Variants in PRPF6 observed in about 807,000 individuals in gnomAD.
The protein encoded by PRPF6 is pre-mRNA-processing factor 6.
A neutral mutation model predicts 118.3 loss-of-function variants in PRPF6; 42 were observed. That is an observed-to-expected ratio of 0.35 (90% confidence interval 0.28 to 0.46). PRPF6 has a LOEUF of 0.46. Among genes scored for constraint, PRPF6 ranks in the 20% least tolerant of loss-of-function variants. The pLI, the probability that PRPF6 is intolerant of heterozygous loss-of-function variation, is 1.00. For missense variants in PRPF6, 662 were observed against 1,255.7 expected (o/e 0.53, Z 7.15); for synonymous variants, 481 against 485.1 (o/e 0.99, Z 0.11).
chr20:63,999,011 G>C, intron 6 of PRPF6, 34 bp from the exon 7 acceptor site: 1 of 1,560,470 alleles, frequency 6.4e-7, no homozygotes, highest in Non-Finnish European at 8.8e-7. Flanking sequence ...ACCTGGTCAT[G>C]TCCAGCTGAC....
intron 3 of PRPF6, among the ~76,000 whole-genome samples, chr20:63,990,649 CTT>C (rs565993288): frequency 4.3e-5 from 6 of 140,824 alleles, no homozygotes; most frequent in Non-Finnish European, 6.2e-5. Context: ...TTTCTTTTTT[CTT>C]TTTTTTTTTT....
rs760901426 is a variant in PRPF6, at chr20:63,995,084, C to T, written c.607C>T (p.Arg203Ter). The T allele has an allele frequency of 6.2e-6, 10 of 1,613,964 alleles. No homozygotes were observed. Among genetic ancestry groups the T allele is most frequent in the Non-Finnish European group, 8.5e-6 (10 of 1,180,020 alleles). Residue 203 changes from arginine (R) to a stop codon, truncating the protein, a stop_gained, in exon 5 of 21, where the codon CGA (arginine) becomes TGA (stop). Transcript: ENST00000266079. LOFTEE classifies it high-confidence loss of function. ...TGENHTSVDP[R>*]QTQFGGLNTP... is the part of the protein sequence containing the mutation. Reference sequence around the variant, plus strand: ...AGAGAACCATACCTCAGTGGATCCCCGACAAACTGTGAGCTTCCAAAAAAG... The same window carrying T: ...AGAGAACCATACCTCAGTGGATCCCTGACAAACTGTGAGCTTCCAAAAAAG...
At position 64,026,601 on chromosome 20, in the gene PRPF6, G is replaced by A. The variant is rs2123097271; in HGVS notation, c.2029-381G>A. Among the ~76,000 whole-genome samples the A allele has an allele frequency of 6.6e-6, 1 of 152,292 alleles. No homozygotes were observed. The highest frequency in any genetic ancestry group is 1.9e-4 in the East Asian group (1 of 5,184). On this transcript the variant is annotated intron_variant, in intron 15 of 20. Coordinates refer to ENST00000266079, the MANE Select transcript of PRPF6 (RefSeq NM_012469.4). The surrounding 1 kb of genome is among the most constrained non-coding windows in gnomAD (Gnocchi z 4.4). ...TGGGAGGCCAAGGCAGGTAGATTGT[G>A]AGATCAGGAGTTCGACACCAGCCTG...
Position 64,011,162 on chromosome 20 carries a change from A to T in PRPF6, c.1306-123A>T. ...TGTGGACACTTCTCAGGCCATGTTC[A>T]GATGGTTCTCGAGAGCTAAGAAAGA... On this transcript the variant is annotated intron_variant, in intron 10 of 20. Coordinates refer to ENST00000266079, the MANE Select transcript of PRPF6 (RefSeq NM_012469.4). The surrounding 1 kb of genome is among the most constrained non-coding windows in gnomAD (Gnocchi z 6.7). 1.2e-6 allele frequency: 1 copy of T among 820,806 alleles called. No individual in the cohort carries two copies. Among genetic ancestry groups the T allele is most frequent in the Non-Finnish European group, 2.0e-6 (1 of 491,510 alleles). 50.8% of individuals were successfully genotyped at this position (820,806 alleles called of 1,614,324 possible). A position where few individuals can be genotyped will look rare whatever the true frequency, so the allele number is the denominator to read the frequency against.
chr20:63,990,078 T>C (rs1218862521), intron 3 of PRPF6, among the ~76,000 whole-genome samples: 1 of 151,990 alleles, frequency 6.6e-6, no homozygotes, highest in African/African-American at 2.4e-5. Context: ...GGTCTTGAAC[T>C]CCTGACCCCA....
chr20:63,981,218 C>T lies in PRPF6; in HGVS notation c.-28C>T. 1 of 1,589,842 alleles carries T rather than the reference C, an allele frequency of 6.3e-7. No individual in the cohort carries two copies. ...CCTCTTCCGCTGCCTCATTCCTTTCCTTCCTAGCCTTGGTCGTCGCCGCCA... is the reference window on the plus strand; with the variant it reads ...CCTCTTCCGCTGCCTCATTCCTTTCTTTCCTAGCCTTGGTCGTCGCCGCCA... On this transcript the variant is annotated 5_prime_UTR_variant, in exon 1 of 21. Transcript: ENST00000266079.
At chr20:63,986,236 T>C (rs1446218629) in intron 3 of PRPF6, among the ~76,000 whole-genome samples, 1 of 150,784 alleles carries the variant, frequency 6.6e-6, no homozygotes, top group Non-Finnish European at 1.5e-5. Context: ...TCCCAGCTAC[T>C]TGGGAGGCTG....
intron 1 of PRPF6, 65 bp from the exon 2 acceptor site, chr20:63,982,981 CA>C: frequency 1.3e-6 from 2 of 1,572,338 alleles, no homozygotes; most frequent in South Asian, 1.1e-5. Flanking sequence ...AAGTGATAAC[CA>C]GGAGTGGAGA....
At chr20:64,006,074 G>A (rs191168760) in intron 9 of PRPF6, among the ~76,000 whole-genome samples, 2 of 152,268 alleles carry the variant, frequency 1.3e-5, no homozygotes, top group African/African-American at 4.8e-5. Flanking sequence ...TGACTTGTTG[G>A]TAGTTTTGCT....
At chr20:64,017,266 C>T (rs1395991811) in intron 12 of PRPF6, among the ~76,000 whole-genome samples, 3 of 149,174 alleles carry the variant, frequency 2.0e-5, no homozygotes, top group African/African-American at 5.1e-5. Context: ...GGATCACAGG[C>T]GTGAGCCGCC....
chr20:64,026,804 AAAAAC>A lies in PRPF6; in HGVS notation c.2029-163_2029-159del, dbSNP rs1020665742. 1.1e-4 allele frequency among the ~76,000 whole-genome samples: 17 copies of A among 152,206 alleles called. No individual in the cohort carries two copies. Among genetic ancestry groups the A allele is most frequent in the Non-Finnish European group, 1.6e-4 (11 of 68,030 alleles). ...GACAGAGCGAGACTCTATCTCAAAA[AAAAAC>A]AAAACAAAACAAAAACATATATTTA... On this transcript the variant is annotated intron_variant, in intron 15 of 20. Coordinates refer to ENST00000266079, the MANE Select transcript of PRPF6 (RefSeq NM_012469.4). The surrounding 1 kb of genome is among the most constrained non-coding windows in gnomAD (Gnocchi z 4.4).
intron 12 of PRPF6, among the ~76,000 whole-genome samples, chr20:64,019,126 A>C (rs1601528095): frequency 3.2e-5 from 4 of 124,698 alleles, no homozygotes; most frequent in African/African-American, 6.4e-5. Flanking sequence ...ACAGAGTCTC[A>C]CTCTGTCTCC....
At position 64,029,545 on chromosome 20, in the gene PRPF6, T is replaced by G; in HGVS notation, c.2546+54T>G. 1 of 1,437,176 alleles carries G rather than the reference T, an allele frequency of 7.0e-7. No homozygotes were observed. The highest frequency in any genetic ancestry group is 9.8e-7 in the Non-Finnish European group (1 of 1,021,000). 89.0% of individuals were successfully genotyped at this position (1,437,176 alleles called of 1,614,324 possible). On this transcript the variant is annotated intron_variant, in intron 19 of 20. Coordinates refer to ENST00000266079, the MANE Select transcript of PRPF6 (RefSeq NM_012469.4). This position sits in a 1 kb window ranked among gnomAD's most constrained non-coding sequence, Gnocchi z 4.8. The stretch of plus-strand genomic sequence containing the variant: ...ACCTCGGGGTCCTAATGGGCTCTTT[T>G]TCCAGAGTCTGTCTGCCTCTTCCTG...
intron 9 of PRPF6, among the ~76,000 whole-genome samples, chr20:64,007,326 G>A (rs938761733): frequency 6.6e-6 from 1 of 152,054 alleles, no homozygotes; most frequent in African/African-American, 2.4e-5. Context: ...CTCAGCAGGA[G>A]AGCAGGTACC....
At chr20:64,024,782 A>T in intron 14 of PRPF6, 89 bp downstream of exon 14, 3 of 1,514,098 alleles carry the variant, frequency 2.0e-6, no homozygotes, top group South Asian at 2.4e-5. Context: ...TCCCACATAC[A>T]ATGTGGCACG....
chr20:63,999,883 G>C, intron 8 of PRPF6, 124 bp downstream of exon 8: 1 of 1,257,700 alleles, frequency 8.0e-7, no homozygotes, highest in African/African-American at 1.5e-5. Context: ...AGGGCAGGCT[G>C]GGGGAGGATG....
rs919949698 is a variant in PRPF6, at chr20:64,027,270, G to A, written c.2205+112G>A. ...TCTGAGGAGATGTGGAGGGCTGGGG[G>A]TTACAGCTGATGGAGCTGCAGACTC... On this transcript the variant is annotated intron_variant, in intron 16 of 20. Transcript: ENST00000266079. This position sits in a 1 kb window ranked among gnomAD's most constrained non-coding sequence, Gnocchi z 6.5. The A allele has an allele frequency of 2.9e-6, 4 of 1,386,206 alleles. 1 individual carries two copies. In the South Asian group the frequency reaches 4.9e-5, roughly 17 times the overall value. 85.9% of individuals were successfully genotyped at this position (1,386,206 alleles called of 1,614,324 possible).
chr20:64,026,127 CTTGGGTGGT>C lies in PRPF6; in HGVS notation c.2028+70_2028+78del. Reference sequence around the variant, plus strand: ...GTGCACATGCGGGCCCCACGCCTGGCTTGGGTGGTGATGGGAGTGAGATGACGGCAGGCA... The same window carrying C: ...GTGCACATGCGGGCCCCACGCCTGGCGATGGGAGTGAGATGACGGCAGGCA... On this transcript the variant is annotated intron_variant, in intron 15 of 20. Coordinates refer to ENST00000266079, the MANE Select transcript of PRPF6 (RefSeq NM_012469.4). This position sits in a 1 kb window ranked among gnomAD's most constrained non-coding sequence, Gnocchi z 4.4. The C allele has an allele frequency of 6.3e-7, 1 of 1,591,304 alleles. No individual in the cohort carries two copies. The highest frequency in any genetic ancestry group is 1.3e-5 in the African/African-American group (1 of 74,846).
At chr20:64,002,664 G>T (rs530713331) in intron 9 of PRPF6, among the ~76,000 whole-genome samples, 8 of 132,450 alleles carry the variant, frequency 6.0e-5, no homozygotes, top group Admixed American at 3.2e-4. Flanking sequence ...TTTTTTTTGA[G>T]ATGGAGTCTC....
Sources: gnomAD v4.1 joint callset for allele counts (sites outside exome capture counted in the v4.1 genomes callset) on GRCh38, gnomAD v4.1.1 for gene constraint, Gnocchi (gnomAD v3.1) non-coding constraint, MANE v1.5 for transcripts, NCBI Gene and HGNC (gene_info 2026-07-23, HGNC 2026-07-21) for gene names.